Variants in ZFTA observed in about 807,000 individuals in gnomAD.
ZFTA encodes the protein zinc finger translocation-associated protein.
Under a neutral mutation model 41.8 loss-of-function variants are expected in ZFTA, and 35 were observed. The observed-to-expected ratio is 0.84, with a 90% CI of 0.64 to 1.11. The LOEUF (loss-of-function observed/expected upper bound fraction) is 1.11. ZFTA is among the 50% of genes most tolerant of loss of function. The probability of loss-of-function intolerance (pLI) is 0.00; values close to 1 mark genes in which losing one functional copy is unlikely to be tolerated. For synonymous variants in ZFTA, 514 were observed against 436.4 expected, an observed-to-expected ratio of 1.18 and a Z score of -2.22; for missense variants, 964 against 989.8, an observed-to-expected ratio of 0.97 and a Z score of 0.35.
intron 1 of ZFTA, 68 bp from the exon 2 acceptor site, chr11:63,766,372 T>C (rs2014745748): frequency 1.4e-6 from 2 of 1,400,632 alleles, no homozygotes; most frequent in African/African-American, 2.9e-5. Flanking sequence ...AGGGCTTTGA[T>C]GGTGAGCCCT....
chr11:63,767,826 AAAG>A (rs1251056809), intron 1 of ZFTA, among the ~76,000 whole-genome samples: 3 of 152,126 alleles, frequency 2.0e-5, no homozygotes, highest in African/African-American at 4.8e-5. Context: ...AAAATTCTGA[AAAG>A]AAGGGAAGGG....
rs563538561 is a variant in ZFTA, at chr11:63,764,057, CTCT to C, written c.1563_1565del (p.Glu527del). 2.6e-4 allele frequency: 345 copies of C among 1,340,234 alleles called. No homozygotes were observed. In the African/African-American group the frequency reaches 2.8e-3, roughly 11 times the overall value. The allele number at this position is 1,340,234 out of a possible 1,614,324, so 83.0% of individuals were successfully genotyped here. ...GCTCACCCCACTCCTCCTCCTCCTCCTCTGGCTCCTCCTCCTCGTCCCCTCCCC... is the reference window on the plus strand; with the variant it reads ...GCTCACCCCACTCCTCCTCCTCCTCCGGCTCCTCCTCCTCGTCCCCTCCCC... On this transcript the variant is annotated inframe_deletion, in exon 4 of 5. Coordinates refer to ENST00000433688, the MANE Select transcript of ZFTA (RefSeq NM_001144936.2).
In ZFTA at chr11:63,762,989, AG is replaced by A. The variant is rs1237761248; in HGVS notation, c.*428del. On this transcript the variant is annotated 3_prime_UTR_variant, in exon 5 of 5. Transcript: ENST00000433688. Reference sequence around the variant, plus strand: ...CAAGGCTGCAGGGAACTGGGCCCCCAGCCAGGGCCAGAGCCAGAGCCCGCAC... The same window carrying A: ...CAAGGCTGCAGGGAACTGGGCCCCCACCAGGGCCAGAGCCAGAGCCCGCAC... 6.8e-6 allele frequency: 1 copy of A among 147,356 alleles called. No individual in the cohort carries two copies. Among genetic ancestry groups the A allele is most frequent in the Non-Finnish European group, 1.5e-5 (1 of 65,716 alleles). 9.1% of individuals were successfully genotyped at this position (147,356 alleles called of 1,614,324 possible). A position where few individuals can be genotyped will look rare whatever the true frequency, so the allele number is the denominator to read the frequency against.
chr11:63,766,615 C>A (rs190393266), intron 1 of ZFTA, among the ~76,000 whole-genome samples: 2 of 152,172 alleles, frequency 1.3e-5, no homozygotes, highest in African/African-American at 2.4e-5. Flanking sequence ...CCTTTCTGGA[C>A]AAGAGCCGTA....
intron 1 of ZFTA, 119 bp downstream of exon 1, chr11:63,768,365 C>A (rs889418260): frequency 2.7e-5 from 15 of 560,136 alleles, no homozygotes; most frequent in Non-Finnish European, 3.4e-5. Context: ...CCAGGTGGCG[C>A]CCCCGGCCGC....
At position 63,763,544 on chromosome 11, in the gene ZFTA, C is replaced by T. The variant is rs1408314789; in HGVS notation, c.1911G>A (p.Gln637=). The part of the protein sequence containing the change: ...FSMDFTPEER[Q]TILEAYEEAA... ...CCTCCTCGTAGGCCTCCAGGATAGT[C>T]TGGCGCTCCTCAGGCGTGAAGTCCA... Residue 637 remains glutamine, a synonymous_variant, in exon 5 of 5, where the codon CAG becomes CAA. Transcript: ENST00000433688. 2.6e-6 allele frequency: 4 copies of T among 1,547,236 alleles called. No homozygotes were observed. The South Asian group carries it at 4.8e-5, about 18-fold the overall frequency.
At chr11:63,763,984 G>C in intron 4 of ZFTA, 54 bp downstream of exon 4, 2 of 1,305,038 alleles carry the variant, frequency 1.5e-6, no homozygotes. Flanking sequence ...AGTCCCTTCT[G>C]CCCCAGCAAC....
intron 4 of ZFTA, 74 bp downstream of exon 4, chr11:63,763,964 C>T (rs928147830): frequency 1.0e-5 from 14 of 1,336,084 alleles, no homozygotes; most frequent in East Asian, 2.9e-5. Context: ...GCCCTTCTAT[C>T]CCATCCTCCA....
At position 63,764,217 on chromosome 11, in the gene ZFTA, C is replaced by G. The variant is rs1239400236; in HGVS notation, c.1406G>C (p.Gly469Ala). Residue 469 changes from glycine to alanine, a missense_variant, in exon 4 of 5, where the codon GGC (glycine) becomes GCC (alanine). Around this residue, in one of 5 missense-constraint regions of ZFTA, gnomAD observed 584 missense variants for 523.1 expected, o/e 1.12. Transcript: ENST00000433688. ...RRRHPGSTRL[G>A]GPVQALIARE... ...GGCGATGAGGGCCTGGACAGGCCCG[C>G]CGAGGCGCGTGGAGCCCGGGTGGCG... 2.1e-6 allele frequency: 3 copies of G among 1,423,934 alleles called. No individual in the cohort carries two copies. The highest frequency in any genetic ancestry group is 3.0e-5 in the East Asian group (1 of 33,536). The allele number at this position is 1,423,934 out of a possible 1,614,324, so 88.2% of individuals were successfully genotyped here.
rs1161672050 is a variant in ZFTA at position 63,765,096 on chromosome 11, TC to T, written c.795del (p.Asn266ThrfsTer85). The T allele has an allele frequency of 4.5e-6, 7 of 1,548,608 alleles. No homozygotes were observed. The highest frequency in any genetic ancestry group is 6.1e-6 in the Non-Finnish European group (7 of 1,146,424). On this transcript the variant is annotated frameshift_variant, in exon 3 of 5. Transcript: ENST00000433688. LOFTEE classifies it high-confidence loss of function. This position sits in a 1 kb window ranked among gnomAD's most constrained non-coding sequence, Gnocchi z 4.0. ...ATGAGACACTCGGCCCGGAACCAGTTCTGCAGGGACTCCTTCAGCCTCCTCT... is the reference window on the plus strand; with the variant it reads ...ATGAGACACTCGGCCCGGAACCAGTTTGCAGGGACTCCTTCAGCCTCCTCT... ...RLERRLKESLQNWFRAECLMD... is the reference protein window; with the variant it reads ...RLERRLKESLXNWFRAECLMD...
Position 63,764,337 on chromosome 11 carries a change from T to C in ZFTA, c.1286A>G (p.Glu429Gly). ...CAGGCCGCGCCGGCCGCCGTCCAAC[T>C]CCATGAGGTACTCCAGCCGCCAGCG... ...QERWRLEYLM[E>G]LDGGRRGLVC... The change falls in exon 4 of 5, where the codon GAG becomes GGG. Residue 429 changes from glutamate to glycine, a missense_variant. By Grantham distance (98) the Glu-to-Gly change is moderately conservative. Around this residue, in one of 5 missense-constraint regions of ZFTA, gnomAD observed 584 missense variants for 523.1 expected, o/e 1.12. Transcript: ENST00000433688. 1 of 1,357,380 alleles carries C rather than the reference T, an allele frequency of 7.4e-7. No homozygotes were observed. Among genetic ancestry groups the C allele is most frequent in the Non-Finnish European group, 9.4e-7 (1 of 1,060,094 alleles). The allele number at this position is 1,357,380 out of a possible 1,614,324, so 84.1% of individuals were successfully genotyped here. A position where few individuals can be genotyped will look rare whatever the true frequency, so the allele number is the denominator to read the frequency against.
intron 1 of ZFTA, 26 bp downstream of exon 1, chr11:63,768,457 GC>G: frequency 9.1e-7 from 1 of 1,104,934 alleles, no homozygotes. Context: ...CGGGGCCCCC[GC>G]CCGGGCCGCC....
chr11:63,764,621 G>C, intron 3 of ZFTA, 23 bp from the exon 4 acceptor site: 1 of 1,262,844 alleles, frequency 7.9e-7, no homozygotes, highest in Non-Finnish European at 1.0e-6. Flanking sequence ...GGGTGAGGGA[G>C]AGGGGCTCAG....
In ZFTA at chr11:63,760,471, A is replaced by G. The variant is rs2014604666; in HGVS notation, c.*2947T>C. On this transcript the variant is annotated 3_prime_UTR_variant, in exon 5 of 5. Transcript: ENST00000433688. Reference sequence around the variant, plus strand: ...CAAATACGCATACAAATGTTTGAATAATGTCACTAAGTAACATGGTATATA... The same window carrying G: ...CAAATACGCATACAAATGTTTGAATGATGTCACTAAGTAACATGGTATATA... The G allele has an allele frequency of 2.0e-5, 3 of 152,238 alleles. No homozygotes were observed. The South Asian group carries it at 6.2e-4, about 32-fold the overall frequency. The allele number at this position is 152,238 out of a possible 1,614,324, so 9.4% of individuals were successfully genotyped here.
At position 63,761,734 on chromosome 11, in the gene ZFTA, A is replaced by G. The variant is rs1178090849; in HGVS notation, c.*1684T>C. 1 of 152,274 alleles carries G rather than the reference A, an allele frequency of 6.6e-6. No homozygotes were observed. Among genetic ancestry groups the G allele is most frequent in the Non-Finnish European group, 1.5e-5 (1 of 68,070 alleles). The allele number at this position is 152,274 out of a possible 1,614,324, so 9.4% of individuals were successfully genotyped here. ...TTTCCAATTCTGACAATCCTCAATTATATAAAAATGCTATAAAATCCGTGG... is the reference window on the plus strand; with the variant it reads ...TTTCCAATTCTGACAATCCTCAATTGTATAAAAATGCTATAAAATCCGTGG... On this transcript the variant is annotated 3_prime_UTR_variant, in exon 5 of 5. Coordinates refer to ENST00000433688, the MANE Select transcript of ZFTA (RefSeq NM_001144936.2).
Position 63,763,562 on chromosome 11 carries a change from G to T in ZFTA, c.1893C>A (p.Phe631Leu). Residue 631 changes from phenylalanine to leucine, a missense_variant, in exon 5 of 5, where the codon TTC becomes TTA. Transcript: ENST00000433688. Reference sequence around the variant, plus strand: ...GGATAGTCTGGCGCTCCTCAGGCGTGAAGTCCATGGAGAAGGGGTGCACCT... The same window carrying T: ...GGATAGTCTGGCGCTCCTCAGGCGTTAAGTCCATGGAGAAGGGGTGCACCT... ...ILQVHPFSMD[F>L]TPEERQTILE... The T allele has an allele frequency of 1.9e-6, 3 of 1,548,110 alleles. No homozygotes were observed. The highest frequency in any genetic ancestry group is 2.6e-6 in the Non-Finnish European group (3 of 1,145,084).
chr11:63,765,837 C>T lies in ZFTA; in HGVS notation c.607G>A (p.Gly203Ser). Residue 203 changes from glycine (G) to serine (S), a missense_variant, in exon 2 of 5, where the codon GGT becomes AGT. Around this residue, in one of 5 missense-constraint regions of ZFTA, gnomAD observed 141 missense variants for 216.7 expected, o/e 0.65. Coordinates refer to ENST00000433688, the MANE Select transcript of ZFTA (RefSeq NM_001144936.2). The surrounding 1 kb of genome is among the most constrained non-coding windows in gnomAD (Gnocchi z 4.0). ...CCCTTGGGCGGGCAAGCTGGGACAC[C>T]GGCCCCCTCCTCCTCCTCCTCTTCT... is the stretch of plus-strand genomic sequence containing the variant. ...EEEEEEEEGA[G>S]VPACPPKGPG... 2 of 1,494,504 alleles carry T rather than the reference C, an allele frequency of 1.3e-6. No homozygotes were observed. Among genetic ancestry groups the T allele is most frequent in the South Asian group, 1.3e-5 (1 of 74,504 alleles). 92.6% of individuals were successfully genotyped at this position (1,494,504 alleles called of 1,614,324 possible). A position where few individuals can be genotyped will look rare whatever the true frequency, so the allele number is the denominator to read the frequency against.
Position 63,768,621 on chromosome 11 carries a change from ATGCGC to A in ZFTA, c.-4_1del. The A allele has an allele frequency of 1.8e-5, 18 of 994,824 alleles. No homozygotes were observed. Among genetic ancestry groups the A allele is most frequent in the Non-Finnish European group, 2.0e-5 (17 of 839,804 alleles). The allele number at this position is 994,824 out of a possible 1,614,324, so 61.6% of individuals were successfully genotyped here. A position where few individuals can be genotyped will look rare whatever the true frequency, so the allele number is the denominator to read the frequency against. On this transcript the variant is annotated start_lost and start_retained_variant and 5_prime_UTR_variant, in exon 1 of 5. Coordinates refer to ENST00000433688, the MANE Select transcript of ZFTA (RefSeq NM_001144936.2). ...GCTCCGGTGGTCCCCGCCGGGCTCC[ATGCGC>A]TGCGCTGCGGAGCGGGGCCCCGGGG...
In ZFTA at chr11:63,765,148, G is replaced by C. The variant is rs1209324200; in HGVS notation, c.744C>G (p.Ser248Arg). The C allele has an allele frequency of 1.9e-6, 3 of 1,546,660 alleles. No individual in the cohort carries two copies. The highest frequency in any genetic ancestry group is 2.5e-5 in the East Asian group (1 of 40,796). ...RLSASRRAGGSRGLGARRLER... is the reference protein window; with the variant it reads ...RLSASRRAGGRRGLGARRLER... ...CCAGGCGCCGGGCCCCCAGCCCCCT[G>C]CTGCCCCCGGCCCTCCGGGAGGCTG... Residue 248 changes from serine (S) to arginine (R), a missense_variant, in exon 3 of 5, where the codon AGC (serine) becomes AGG (arginine). By Grantham distance (110) the Ser-to-Arg change is moderately radical. Transcript: ENST00000433688. This position sits in a 1 kb window ranked among gnomAD's most constrained non-coding sequence, Gnocchi z 4.0.
Sources: gnomAD v4.1 joint callset for allele counts (sites outside exome capture counted in the v4.1 genomes callset) on GRCh38, gnomAD v4.1.1 for gene constraint, gnomAD v4.1.1 regional missense constraint, Gnocchi (gnomAD v3.1) non-coding constraint, MANE v1.5 for transcripts, NCBI Gene and HGNC (gene_info 2026-07-23, HGNC 2026-07-21) for gene names.